The following DDX3Y variants were observed in gnomAD, a reference collection of about 807,000 sequenced individuals.
DDX3Y encodes the protein ATP-dependent RNA helicase DDX3Y.
In DDX3Y, 2 loss-of-function variants were observed where a neutral mutation model predicts 15.1. That is an observed-to-expected ratio of 0.13 (90% CI 0.05 to 0.42). The LOEUF (loss-of-function observed/expected upper bound fraction) is 0.42. DDX3Y is among the 10% of genes least tolerant of loss of function. DDX3Y has a pLI of 0.99. For synonymous variants in DDX3Y, 47 were observed against 45.0 expected, an observed-to-expected ratio of 1.04 and a Z score of -0.18; for missense variants, 81 against 149.9, an observed-to-expected ratio of 0.54 and a Z score of 2.40.
chrY:12,915,078 A>G lies in DDX3Y; in HGVS notation c.870A>G (p.Arg290=). The G allele has an allele frequency of 7.5e-6, 3 of 398,740 alleles. No homozygotes were observed. Among genetic ancestry groups the G allele is most frequent in the Non-Finnish European group, 1.1e-5 (3 of 283,505 alleles). ...TTCTTTGCTTAAAGTTTTCCTACCG[A>G]TCTAGAGTTCGTCCTTGTGTAGTTT... ...IYEEARKFSY[R]SRVRPCVVYG... Residue 290 remains arginine, a synonymous_variant, in exon 10 of 17, where the codon CGA becomes CGG. Transcript: ENST00000336079.
chrY:12,913,084 T>TA (rs767678386), intron 6 of DDX3Y, 22 bp downstream of exon 6: 2 of 307,062 alleles, frequency 6.5e-6, no homozygotes, highest in African/African-American at 1.4e-4. Flanking sequence ...GTTTGACTCT[T>TA]AAAGTTATTA....
chrY:12,918,919 T>G lies in DDX3Y; in HGVS notation c.*797T>G. The G allele has an allele frequency of 3.0e-5, 1 of 33,436 alleles. No homozygotes were observed. Among genetic ancestry groups the G allele is most frequent in the East Asian group, 7.8e-4 (1 of 1,290 alleles). 8.3% of individuals were successfully genotyped at this position (33,436 alleles called of 400,897 possible). On this transcript the variant is annotated 3_prime_UTR_variant, in exon 17 of 17. Transcript: ENST00000336079. ...ATTCTAACCTAGGCAAACGGCATGC[T>G]ATCACAAGAAAGGTTTAAAGCTTTG...
intron 7 of DDX3Y, among the ~76,000 whole-genome samples, 182 bp downstream of exon 7, chrY:12,914,035 C>G: frequency 2.9e-5 from 1 of 34,193 alleles, no homozygotes; most frequent in East Asian, 7.6e-4. Context: ...ATATTTTTAT[C>G]TGGACATCTT....
At chrY:12,905,019 C>T (rs1389877366) in intron 1 of DDX3Y, 38 bp downstream of exon 1, 1 of 381,784 alleles carries the variant, frequency 2.6e-6, no homozygotes, top group Non-Finnish European at 3.7e-6. Context: ...TTCTACGGGA[C>T]CCTTTACTTG....
Position 12,909,357 on chromosome Y carries a change from T to C in DDX3Y, c.104-3T>C, listed in dbSNP as rs768331861. 1 of 393,307 alleles carries C rather than the reference T, an allele frequency of 2.5e-6. No homozygotes were observed. The highest frequency in any genetic ancestry group is 3.6e-6 in the Non-Finnish European group (1 of 280,566). On this transcript the variant is annotated splice_region_variant and splice_polypyrimidine_tract_variant and intron_variant, in intron 2 of 16. Coordinates refer to ENST00000336079, the MANE Select transcript of DDX3Y (RefSeq NM_004660.5). ...GCTTCTAATTTTACATTTTCTCTTT[T>C]AGAAGGGCGCTATATACCTCCTCAC...
chrY:12,914,773 A>G, intron 8 of DDX3Y, 111 bp from the exon 9 acceptor site: 2 of 264,576 alleles, frequency 7.6e-6, no homozygotes, highest in East Asian at 2.1e-4. Flanking sequence ...CCTTTCACCC[A>G]CTGAAAATAA....
intron 1 of DDX3Y, 70 bp downstream of exon 1, chrY:12,905,051 T>C: frequency 3.1e-6 from 1 of 322,127 alleles, no homozygotes; most frequent in East Asian, 9.5e-5. Flanking sequence ...TGTGGCGCAC[T>C]GTTAATTGGT....
chrY:12,912,898 G>A lies in DDX3Y; in HGVS notation c.437+16G>A. 2.5e-6 allele frequency: 1 copy of A among 397,675 alleles called. No homozygotes were observed. The highest frequency in any genetic ancestry group is 3.5e-6 in the Non-Finnish European group (1 of 282,614). Reference sequence around the variant, plus strand: ...GCTTGGAGCAGTAAGTTTTTGAAATGTATGTTAATTGTTATGAAATTTATT... The same window carrying A: ...GCTTGGAGCAGTAAGTTTTTGAAATATATGTTAATTGTTATGAAATTTATT... On this transcript the variant is annotated intron_variant, in intron 5 of 16. Transcript: ENST00000336079.
Position 12,909,354 on chromosome Y carries a change from T to C in DDX3Y, c.104-6T>C. On this transcript the variant is annotated splice_region_variant and splice_polypyrimidine_tract_variant and intron_variant, in intron 2 of 16. Coordinates refer to ENST00000336079, the MANE Select transcript of DDX3Y (RefSeq NM_004660.5). ...TAGGCTTCTAATTTTACATTTTCTCTTTTAGAAGGGCGCTATATACCTCCT... is the reference window on the plus strand; with the variant it reads ...TAGGCTTCTAATTTTACATTTTCTCCTTTAGAAGGGCGCTATATACCTCCT... The C allele has an allele frequency of 2.6e-6, 1 of 391,883 alleles. No individual in the cohort carries two copies. Among genetic ancestry groups the C allele is most frequent in the Non-Finnish European group, 3.6e-6 (1 of 279,382 alleles).
chrY:12,912,450 T>TA (rs2053631720), intron 4 of DDX3Y, among the ~76,000 whole-genome samples: 1 of 33,878 alleles, frequency 3.0e-5, no homozygotes, highest in Non-Finnish European at 7.3e-5. Context: ...CGTAACTAGT[T>TA]ATAAGTATCT....
At chrY:12,913,627 CAG>C (rs2053636155) in intron 6 of DDX3Y, 89 bp from the exon 7 acceptor site, 54 of 272,300 alleles carry the variant, frequency 2.0e-4, no homozygotes, top group Admixed American at 1.8e-3. Flanking sequence ...TAGTATAAAA[CAG>C]AAATTGCGAC....
At chrY:12,910,614 A>G in intron 3 of DDX3Y, among the ~76,000 whole-genome samples, 2 of 33,249 alleles carry the variant, frequency 6.0e-5, no homozygotes, top group Non-Finnish European at 7.4e-5. Context: ...ATTTGAGGCT[A>G]TTTTAGAGGT....
rs781689466 is a variant in DDX3Y, at chrY:12,907,505, A to C, written c.46-32A>C. On this transcript the variant is annotated intron_variant, in intron 1 of 16. Coordinates refer to ENST00000336079, the MANE Select transcript of DDX3Y (RefSeq NM_004660.5). ...TTTGTGATGTTATCTGTTCTTGTGT[A>C]TCAGCATGTGAGCTATTGATATCTC... 9.6e-6 allele frequency: 3 copies of C among 313,212 alleles called. No individual in the cohort carries two copies. The African/African-American group carries it at 2.0e-4, about 21-fold the overall frequency. 78.1% of individuals were successfully genotyped at this position (313,212 alleles called of 400,897 possible).
At chrY:12,910,529 TTTTTG>T (rs2053624462) in intron 3 of DDX3Y, among the ~76,000 whole-genome samples, 2 of 33,551 alleles carry the variant, frequency 6.0e-5, no homozygotes, top group Non-Finnish European at 1.5e-4. Context: ...AATGAGGGTT[TTTTTG>T]TTTTAACACA....
chrY:12,914,707 G>T, intron 8 of DDX3Y, 58 bp downstream of exon 8: 2 of 306,368 alleles, frequency 6.5e-6, no homozygotes, highest in Non-Finnish European at 9.7e-6. Flanking sequence ...GCAAAGCCCT[G>T]TTGACTTTTC....
chrY:12,917,526 C>G lies in DDX3Y; in HGVS notation c.1887C>G (p.Ser629Arg). ...SRSGGGGYGN[S>R]RGFGGGGYGG... ...GTGGTGGAGGTGGTTACGGCAACAG[C>G]AGAGGATTTGGTGGAGGTAATGTTA... The change falls in exon 16 of 17, where the codon AGC (serine) becomes AGG (arginine). Residue 629 changes from serine (S) to arginine (R), a missense_variant. This residue lies in a region of DDX3Y where 52 missense variants were observed against 122.8 expected (regional missense o/e 0.42). Transcript: ENST00000336079. 2.5e-6 allele frequency: 1 copy of G among 393,247 alleles called. No individual in the cohort carries two copies. The highest frequency in any genetic ancestry group is 3.6e-6 in the Non-Finnish European group (1 of 281,532).
chrY:12,916,131 A>T, intron 12 of DDX3Y, 104 bp downstream of exon 12: 1 of 333,601 alleles, frequency 3.0e-6, no homozygotes, highest in African/African-American at 6.9e-5. Context: ...CAATGCTTAC[A>T]TTAATTGGCT....
chrY:12,909,508 T>C, intron 3 of DDX3Y, 101 bp downstream of exon 3: 1 of 178,181 alleles, frequency 5.6e-6, no homozygotes, highest in South Asian at 4.9e-5. Context: ...TTTTGTCCCC[T>C]CCTGTGCCTC....
chrY:12,918,838 A>C lies in DDX3Y; in HGVS notation c.*716A>C. ...GTATACCAATTAATATTTTTGAAAG[A>C]GCTCTTTTAGGTTAATTTAAGTACA... On this transcript the variant is annotated 3_prime_UTR_variant, in exon 17 of 17. Coordinates refer to ENST00000336079, the MANE Select transcript of DDX3Y (RefSeq NM_004660.5). 9.1e-5 allele frequency: 3 copies of C among 33,117 alleles called. No homozygotes were observed. 8.3% of individuals were successfully genotyped at this position (33,117 alleles called of 400,897 possible).
Sources: gnomAD v4.1 joint callset for allele counts (sites outside exome capture counted in the v4.1 genomes callset) on GRCh38, gnomAD v4.1.1 for gene constraint, gnomAD v4.1.1 regional missense constraint, MANE v1.5 for transcripts, NCBI Gene and HGNC (gene_info 2026-07-23, HGNC 2026-07-21) for gene names.